PADI3: variants seen among roughly 807,000 people sequenced by gnomAD.
The protein encoded by PADI3 is peptidyl arginine deiminase 3.
A neutral mutation model predicts 71.5 loss-of-function variants in PADI3; 53 were observed. The ratio of observed to expected loss-of-function variants is 0.74; its 90% confidence interval spans 0.59 to 0.93. The LOEUF is 0.93. PADI3 is among the 40% of genes least tolerant of loss of function. The probability of loss-of-function intolerance (pLI) is 0.00; values close to 1 mark genes in which losing one functional copy is unlikely to be tolerated. For missense variants in PADI3, 821 were observed against 868.0 expected (o/e 0.95, Z 0.68); for synonymous variants, 361 against 347.5 (o/e 1.04, Z -0.43).
chr1:17,254,115 G>A (rs1372465037), intron 1 of PADI3, among the ~76,000 whole-genome samples: 1 of 152,212 alleles, frequency 6.6e-6, no homozygotes, highest in East Asian at 1.9e-4. Flanking sequence ...CCACTTTCCA[G>A]TGGTGGGGTG....
chr1:17,266,607 G>A (rs943930079), intron 4 of PADI3, 112 bp from the exon 5 acceptor site: 10 of 812,950 alleles, frequency 1.2e-5, no homozygotes, highest in South Asian at 2.9e-5. Flanking sequence ...CTTCGAGAAC[G>A]TGGACCTAGC....
At chr1:17,268,060 CT>C in intron 6 of PADI3, 98 bp downstream of exon 6, 1 of 1,427,834 alleles carries the variant, frequency 7.0e-7, no homozygotes, top group Non-Finnish European at 9.7e-7. Flanking sequence ...GCAGGTCCTG[CT>C]TACACTCCGG....
intron 1 of PADI3, among the ~76,000 whole-genome samples, chr1:17,249,854 A>T (rs2072943342): frequency 6.6e-6 from 1 of 152,260 alleles, no homozygotes; most frequent in Non-Finnish European, 1.5e-5. Flanking sequence ...CACAGTTACT[A>T]AGTGGCAAAG....
intron 1 of PADI3, among the ~76,000 whole-genome samples, chr1:17,251,700 G>C (rs781610633): frequency 3.9e-5 from 6 of 152,226 alleles, no homozygotes; most frequent in Non-Finnish European, 7.3e-5. Context: ...AGGGCAGTTA[G>C]GGGCATTGAA....
Position 17,270,966 on chromosome 1 carries a change from G to C in PADI3, c.919G>C (p.Glu307Gln). The C allele has an allele frequency of 6.2e-7, 1 of 1,614,078 alleles. No individual in the cohort carries two copies. Among genetic ancestry groups the C allele is most frequent in the South Asian group, 1.1e-5 (1 of 91,082 alleles). Residue 307 changes from glutamate (E) to glutamine (Q), a missense_variant, in exon 8 of 16, where the codon GAG becomes CAG. Glu to Gln is a conservative substitution (Grantham distance 29). Coordinates refer to ENST00000375460, the MANE Select transcript of PADI3 (RefSeq NM_016233.2). ...IMTPSTLPPL[E>Q]VYVCRVRNNT... ...GACGCCCAGCACTCTGCCACCCCTA[G>C]AGGTGTATGTGTGCCGGTGAGTCTT...
In PADI3 at chr1:17,276,585, C is replaced by T. The variant is rs925276866; in HGVS notation, c.1374C>T (p.Pro458=). Residue 458 remains proline, a synonymous_variant, in exon 12 of 16, where the codon CCC becomes CCT. Transcript: ENST00000375460. ...DFLHAQKVQP[P]VELFVDWLAV... is the part of the protein sequence containing the mutation. ...TCCATGCCCAGAAGGTGCAGCCCCCCGTGGAGCTCTTTGTGGACTGGTTGG... is the reference window on the plus strand; with the variant it reads ...TCCATGCCCAGAAGGTGCAGCCCCCTGTGGAGCTCTTTGTGGACTGGTTGG... The T allele has an allele frequency of 1.8e-5, 29 of 1,614,048 alleles. No homozygotes were observed. The highest frequency in any genetic ancestry group is 5.3e-5 in the African/African-American group (4 of 74,918).
At position 17,276,783 on chromosome 1, in the gene PADI3, A is replaced by G. The variant is rs2073338834; in HGVS notation, c.1462A>G (p.Met488Val). The G allele has an allele frequency of 1.2e-6, 2 of 1,613,700 alleles. No homozygotes were observed. The highest frequency in any genetic ancestry group is 1.7e-6 in the Non-Finnish European group (2 of 1,179,810). The change falls in exon 13 of 16, where the codon ATG (methionine) becomes GTG (valine). Residue 488 changes from methionine to valine, a missense_variant. Coordinates refer to ENST00000375460, the MANE Select transcript of PADI3 (RefSeq NM_016233.2). ...TGTTCTCTGCACGCAGGGCTTCCGG[A>G]TGCTCCTGGCCAGCCCTGGGGCCTG... Reference protein sequence around the residue: ...VPAPDGKGFRMLLASPGACFK... With the variant: ...VPAPDGKGFRVLLASPGACFK...
In PADI3 at chr1:17,281,505, G is replaced by T. The variant is rs141789187; in HGVS notation, c.1761+709G>T. ...CTGTTGCCCAGGCTGGAGGGCAGTG[G>T]CACAATCTCACTCACTGCAACCTCA... On this transcript the variant is annotated intron_variant, in intron 15 of 15. Coordinates refer to ENST00000375460, the MANE Select transcript of PADI3 (RefSeq NM_016233.2). Among the ~76,000 whole-genome samples, 244 of 151,254 alleles carry T rather than the reference G, an allele frequency of 1.6e-3. 1 individual carries two copies. The highest frequency in any genetic ancestry group is 5.8e-3 in the African/African-American group (237 of 41,086).
In PADI3 at chr1:17,249,108, T is replaced by C. The variant is rs779700666; in HGVS notation, c.-30T>C. 2 of 1,598,250 alleles carry C rather than the reference T, an allele frequency of 1.3e-6. No individual in the cohort carries two copies. Among genetic ancestry groups the C allele is most frequent in the Non-Finnish European group, 1.7e-6 (2 of 1,165,770 alleles). Reference sequence around the variant, plus strand: ...AGGGGCCTCAGGGGCAGTGTTGGGGTTGGCGGCCACAGCTAAGTCCAACAC... The same window carrying C: ...AGGGGCCTCAGGGGCAGTGTTGGGGCTGGCGGCCACAGCTAAGTCCAACAC... On this transcript the variant is annotated 5_prime_UTR_variant, in exon 1 of 16. Coordinates refer to ENST00000375460, the MANE Select transcript of PADI3 (RefSeq NM_016233.2).
intron 1 of PADI3, among the ~76,000 whole-genome samples, chr1:17,249,781 G>A (rs1484848995): frequency 6.6e-6 from 1 of 152,204 alleles, no homozygotes; most frequent in Non-Finnish European, 1.5e-5. Context: ...CTTATTATTA[G>A]CATCATCTCA....
Position 17,259,568 on chromosome 1 carries a change from C to A in PADI3, c.93-10C>A. ...CTTCGGCACCGACCATGGCTCTCTG[C>A]CCTGCCCAGGTCAGTGCCTGAGGGC... is the stretch of plus-strand genomic sequence containing the variant. On this transcript the variant is annotated splice_polypyrimidine_tract_variant and intron_variant, in intron 1 of 15. Transcript: ENST00000375460. 6.3e-7 allele frequency: 1 copy of A among 1,583,218 alleles called. No individual in the cohort carries two copies. The highest frequency in any genetic ancestry group is 8.6e-7 in the Non-Finnish European group (1 of 1,162,082).
At chr1:17,252,511 C>G (rs1470266684) in intron 1 of PADI3, among the ~76,000 whole-genome samples, 1 of 151,700 alleles carries the variant, frequency 6.6e-6, no homozygotes, top group African/African-American at 2.4e-5. Flanking sequence ...TCAAGCTATC[C>G]TCCCGCCTCA....
intron 9 of PADI3, among the ~76,000 whole-genome samples, chr1:17,272,596 T>G (rs919820324): frequency 6.6e-6 from 1 of 152,196 alleles, no homozygotes; most frequent in African/African-American, 2.4e-5. Flanking sequence ...AGCCTGGAAC[T>G]CCTGGGTTCA....
At chr1:17,281,179 G>A (rs2073395747) in intron 15 of PADI3, among the ~76,000 whole-genome samples, 1 of 152,248 alleles carries the variant, frequency 6.6e-6, no homozygotes, top group Non-Finnish European at 1.5e-5. Context: ...AGGGTGTCCT[G>A]TGGCAGATGC....
At chr1:17,260,862 G>A (rs1463222014) in intron 2 of PADI3, among the ~76,000 whole-genome samples, 1 of 152,174 alleles carries the variant, frequency 6.6e-6, no homozygotes, top group Non-Finnish European at 1.5e-5. Flanking sequence ...CCTTGGTGCC[G>A]GTTGAAGTGG....
chr1:17,264,479 C>T (rs2073140705), intron 3 of PADI3, among the ~76,000 whole-genome samples: 1 of 152,130 alleles, frequency 6.6e-6, no homozygotes, highest in Admixed American at 6.5e-5. Flanking sequence ...CTGATCATAA[C>T]TCCCTCCTTC....
intron 3 of PADI3, among the ~76,000 whole-genome samples, chr1:17,264,098 CAT>C (rs539180048): frequency 2.4e-4 from 36 of 152,318 alleles, no homozygotes; most frequent in African/African-American, 8.2e-4. Context: ...TATCAGTATA[CAT>C]GTCTGCCAAC....
At chr1:17,262,325 C>G (rs985584770) in intron 3 of PADI3, 120 bp downstream of exon 3, 9 of 673,008 alleles carry the variant, frequency 1.3e-5, no homozygotes, top group African/African-American at 9.4e-5. Flanking sequence ...TTCTAGTTCC[C>G]CAAACCCAGC....
chr1:17,267,815 A>G lies in PADI3; in HGVS notation c.527-22A>G, dbSNP rs751197781. ...GGGGCCAGGACTCCCTTGAGTCACT[A>G]CCACTCTGTCTGGCTTCACAGACCT... On this transcript the variant is annotated intron_variant, in intron 5 of 15. Coordinates refer to ENST00000375460, the MANE Select transcript of PADI3 (RefSeq NM_016233.2). 37 of 1,612,106 alleles carry G rather than the reference A, an allele frequency of 2.3e-5. No individual in the cohort carries two copies. The East Asian group carries it at 7.8e-4, about 34-fold the overall frequency.
Sources: allele counts gnomAD v4.1 joint callset (sites outside exome capture counted in the v4.1 genomes callset), GRCh38; gene constraint gnomAD v4.1.1; transcripts MANE v1.5; gene names NCBI Gene and HGNC (gene_info 2026-07-23, HGNC 2026-07-21).